The following SCG5 variants were observed in gnomAD, a reference collection of about 807,000 sequenced individuals.
SCG5 encodes secretogranin V, also known as neuroendocrine protein 7B2.
In SCG5, 18 loss-of-function variants were observed where a neutral mutation model predicts 25.7. The observed-to-expected ratio is 0.70, with a 90% CI of 0.48 to 1.04. The LOEUF (loss-of-function observed/expected upper bound fraction) is 1.04, where lower values mean the gene tolerates loss of function less well. Among genes scored for constraint, SCG5 ranks in the 50% least tolerant of loss-of-function variants. The pLI is 0.00. For synonymous variants in SCG5, 101 were observed against 91.7 expected (o/e 1.10, Z -0.58); for missense variants, 206 against 259.8 (o/e 0.79, Z 1.42).
intron 4 of SCG5, among the ~76,000 whole-genome samples, chr15:32,687,585 G>A (rs2054740215): frequency 2.0e-5 from 3 of 152,198 alleles, no homozygotes; most frequent in Admixed American, 1.3e-4. Context: ...TGGAATGACA[G>A]TCTCAAGCTT....
chr15:32,648,806 C>T (rs1400489796), intron 2 of SCG5, among the ~76,000 whole-genome samples: 1 of 150,144 alleles, frequency 6.7e-6, no homozygotes, highest in Non-Finnish European at 1.5e-5. Flanking sequence ...GAGTCTCACT[C>T]TGTCCCCCAG....
intron 2 of SCG5, among the ~76,000 whole-genome samples, chr15:32,655,435 T>C (rs763647434): frequency 1.3e-5 from 2 of 152,198 alleles, no homozygotes; most frequent in Non-Finnish European, 2.9e-5. Flanking sequence ...TCCCCTTAAG[T>C]TCGGCACCAC....
At chr15:32,674,324 T>C (rs1182295044) in intron 2 of SCG5, among the ~76,000 whole-genome samples, 1 of 152,204 alleles carries the variant, frequency 6.6e-6, no homozygotes, top group African/African-American at 2.4e-5. Context: ...AATTCGGATT[T>C]TGTTTTTTAT....
At chr15:32,695,118 C>A (rs1031500290) in intron 5 of SCG5, among the ~76,000 whole-genome samples, 1 of 152,022 alleles carries the variant, frequency 6.6e-6, no homozygotes, top group African/African-American at 2.4e-5. Flanking sequence ...CAGGTTCCTG[C>A]CATTCTCCTG....
chr15:32,652,352 G>A (rs1419948261), intron 2 of SCG5, among the ~76,000 whole-genome samples: 2 of 152,144 alleles, frequency 1.3e-5, no homozygotes, highest in Non-Finnish European at 2.9e-5. Flanking sequence ...TCAGGTAAAG[G>A]GGAGATGAGT....
chr15:32,694,926 C>T (rs1364649887), intron 5 of SCG5, among the ~76,000 whole-genome samples: 1 of 152,188 alleles, frequency 6.6e-6, no homozygotes, highest in Non-Finnish European at 1.5e-5. Flanking sequence ...AAGAGAGCTC[C>T]ACCTGTGAAC....
At position 32,680,470 on chromosome 15, in the gene SCG5, T is replaced by A. The variant is rs185916207; in HGVS notation, c.376+555T>A. Among the ~76,000 whole-genome samples, 220 of 152,136 alleles carry A rather than the reference T, an allele frequency of 1.4e-3. 1 individual carries two copies. Among genetic ancestry groups the A allele is most frequent in the African/African-American group, 5.1e-3 (213 of 41,492 alleles). On this transcript the variant is annotated intron_variant, in intron 3 of 5. Transcript: ENST00000300175. ...TCCTCGGCCTCCCAAAGTGCTGGGATTACAGTCGTGAGCCACTGCGCCCGG... is the reference window on the plus strand; with the variant it reads ...TCCTCGGCCTCCCAAAGTGCTGGGAATACAGTCGTGAGCCACTGCGCCCGG...
intron 2 of SCG5, among the ~76,000 whole-genome samples, chr15:32,664,693 A>C (rs1202016735): frequency 6.6e-6 from 1 of 152,188 alleles, no homozygotes; most frequent in African/African-American, 2.4e-5. Flanking sequence ...TAATAAAGAG[A>C]TCCCTACTCA....
intron 2 of SCG5, among the ~76,000 whole-genome samples, chr15:32,648,828 A>G (rs531464987): frequency 3.5e-4 from 53 of 150,670 alleles, no homozygotes; most frequent in Non-Finnish European, 6.6e-4. Flanking sequence ...CTGGAGTGCA[A>G]TGGTGCGATC....
intron 1 of SCG5, among the ~76,000 whole-genome samples, 189 bp downstream of exon 1, chr15:32,641,967 T>TA (rs2053869873): frequency 6.6e-6 from 1 of 151,948 alleles, no homozygotes; most frequent in Non-Finnish European, 1.5e-5. Flanking sequence ...ATTGTGTAGT[T>TA]CATCAAATCA....
At chr15:32,687,763 T>G (rs1436684119) in intron 4 of SCG5, among the ~76,000 whole-genome samples, 1 of 152,266 alleles carries the variant, frequency 6.6e-6, no homozygotes, top group Non-Finnish European at 1.5e-5. Flanking sequence ...TTTCAGTGTC[T>G]GTCTTGTTTC....
chr15:32,691,574 C>A, intron 4 of SCG5, 136 bp from the exon 5 acceptor site: 1 of 721,492 alleles, frequency 1.4e-6, no homozygotes, highest in Non-Finnish European at 2.3e-6. Flanking sequence ...CACGACATTC[C>A]TTTCATCTAG....
At chr15:32,657,611 GTC>G (rs1364130794) in intron 2 of SCG5, among the ~76,000 whole-genome samples, 1 of 152,136 alleles carries the variant, frequency 6.6e-6, no homozygotes, top group Non-Finnish European at 1.5e-5. Flanking sequence ...TATAGCAGAT[GTC>G]AGTGGAAGAA....
chr15:32,683,773 C>A (rs1374548477), intron 3 of SCG5, among the ~76,000 whole-genome samples: 2 of 152,192 alleles, frequency 1.3e-5, no homozygotes, highest in African/African-American at 4.8e-5. Context: ...TCTTGTCTGA[C>A]TCCAAAGCTT....
chr15:32,648,550 C>G (rs1011851127), intron 2 of SCG5, among the ~76,000 whole-genome samples: 1 of 152,098 alleles, frequency 6.6e-6, no homozygotes, highest in African/African-American at 2.4e-5. Flanking sequence ...GGATCCACAG[C>G]TCCAGTCAAT....
At chr15:32,645,448 T>C (rs923298038) in intron 2 of SCG5, among the ~76,000 whole-genome samples, 1 of 152,088 alleles carries the variant, frequency 6.6e-6, no homozygotes, top group Non-Finnish European at 1.5e-5. Context: ...AGATTCACAG[T>C]CTGAGTGGAG....
intron 2 of SCG5, among the ~76,000 whole-genome samples, chr15:32,652,126 G>C (rs938631799): frequency 1.3e-5 from 2 of 152,234 alleles, no homozygotes; most frequent in Non-Finnish European, 2.9e-5. Flanking sequence ...AGAAGGGGCA[G>C]TGGTTACCAC....
chr15:32,671,687 A>T (rs2054426676), intron 2 of SCG5, among the ~76,000 whole-genome samples: 1 of 150,124 alleles, frequency 6.7e-6, no homozygotes, highest in Non-Finnish European at 1.5e-5. Flanking sequence ...GTATGTGTTT[A>T]CCTCAAGTAG....
chr15:32,669,721 T>G (rs1345224751), intron 2 of SCG5, among the ~76,000 whole-genome samples: 1 of 152,176 alleles, frequency 6.6e-6, no homozygotes, highest in Admixed American at 6.5e-5. Flanking sequence ...TAAAAATGCT[T>G]CACTTCCAGA....
Sources: allele counts gnomAD v4.1 joint callset (sites outside exome capture counted in the v4.1 genomes callset), GRCh38; gene constraint gnomAD v4.1.1; transcripts MANE v1.5; gene names NCBI Gene and HGNC (gene_info 2026-07-23, HGNC 2026-07-21).